The following PCDH15 variants were observed in gnomAD, a reference collection of about 807,000 sequenced individuals.
PCDH15 encodes protocadherin-15.
Under a neutral mutation model 178.5 loss-of-function variants are expected in PCDH15, and 129 were observed. The observed-to-expected ratio is 0.72, with a 90% CI of 0.63 to 0.84. PCDH15 has a LOEUF of 0.84. PCDH15 is among the 40% of genes least tolerant of loss of function. The pLI is 0.00. For missense variants in PCDH15, 2,230 were observed against 2,099.9 expected (o/e 1.06, Z -1.21); for synonymous variants, 800 against 732.0 (o/e 1.09, Z -1.50).
At chr10:54,461,529 G>A (rs369859740) in intron 3 of PCDH15, among the ~76,000 whole-genome samples, 2 of 152,044 alleles carry the variant, frequency 1.3e-5, no homozygotes, top group Non-Finnish European at 1.5e-5. Flanking sequence ...TATAATATTC[G>A]AGCTGCCTAT....
intron 29 of PCDH15, among the ~76,000 whole-genome samples, chr10:53,838,214 A>T (rs2132723960): frequency 6.6e-6 from 1 of 151,996 alleles, no homozygotes; most frequent in South Asian, 2.1e-4. Flanking sequence ...TGACCTCGTG[A>T]TCCACCCACC....
At chr10:53,845,275 G>A (rs1411981944) in intron 28 of PCDH15, among the ~76,000 whole-genome samples, 1 of 151,660 alleles carries the variant, frequency 6.6e-6, no homozygotes, top group African/African-American at 2.4e-5. Context: ...ACATTCTTGG[G>A]GGGAATGTAA....
intron 18 of PCDH15, among the ~76,000 whole-genome samples, chr10:54,063,432 C>A (rs1179672632): frequency 6.6e-6 from 1 of 152,014 alleles, no homozygotes. Context: ...TTGCACATGC[C>A]CCTGTTATAG....
At chr10:55,240,445 T>C (rs936701468) in intron 1 of PCDH15, among the ~76,000 whole-genome samples, 8 of 152,194 alleles carry the variant, frequency 5.3e-5, no homozygotes, top group African/African-American at 1.4e-4. Flanking sequence ...AAATATAAAC[T>C]GCTGTTATTA....
chr10:54,612,802 T>C (rs1213304403), intron 2 of PCDH15, among the ~76,000 whole-genome samples: 1 of 151,796 alleles, frequency 6.6e-6, no homozygotes, highest in East Asian at 1.9e-4. Flanking sequence ...CCTATTGGAA[T>C]AGACTTTGTA....
At chr10:54,093,991 G>A (rs2094648866) in intron 15 of PCDH15, among the ~76,000 whole-genome samples, 1 of 152,080 alleles carries the variant, frequency 6.6e-6, no homozygotes, top group Non-Finnish European at 1.5e-5. Context: ...CTTCTTCAAA[G>A]CCTGAGAAAA....
chr10:54,285,959 A>C (rs920959833), intron 8 of PCDH15, among the ~76,000 whole-genome samples: 10 of 152,214 alleles, frequency 6.6e-5, no homozygotes, highest in African/African-American at 2.2e-4. Flanking sequence ...CAGAAAGACA[A>C]ATACCACTTG....
At chr10:54,236,080 A>T (rs2054598309) in intron 9 of PCDH15, among the ~76,000 whole-genome samples, 1 of 152,028 alleles carries the variant, frequency 6.6e-6, no homozygotes, top group Non-Finnish European at 1.5e-5. Flanking sequence ...CTAATGCTGA[A>T]CTCCATTAAA....
intron 1 of PCDH15, among the ~76,000 whole-genome samples, chr10:55,263,435 G>T (rs10763191): frequency 0.17 from 26,207 of 152,082 alleles, 3,117 homozygotes; most frequent in East Asian, 0.37. Flanking sequence ...CCGCAGGCAT[G>T]CATGACTCAG....
At chr10:55,215,339 C>T (rs1840675278) in intron 1 of PCDH15, among the ~76,000 whole-genome samples, 1 of 152,000 alleles carries the variant, frequency 6.6e-6, no homozygotes, top group Non-Finnish European at 1.5e-5. Context: ...GTACTTAGGC[C>T]TGATGTAGTT....
At chr10:54,857,707 C>T (rs1953765266) in intron 3 of PCDH15, among the ~76,000 whole-genome samples, 1 of 151,950 alleles carries the variant, frequency 6.6e-6, no homozygotes, top group African/African-American at 2.4e-5. Flanking sequence ...CCACCTTAGC[C>T]TCCCAAACTG....
chr10:54,982,232 C>T (rs752924582), intron 2 of PCDH15, among the ~76,000 whole-genome samples: 11 of 152,044 alleles, frequency 7.2e-5, no homozygotes, highest in Non-Finnish European at 1.3e-4. Context: ...CTCTTGTCTT[C>T]AATATTATAT....
intron 25 of PCDH15, among the ~76,000 whole-genome samples, chr10:53,932,510 G>A (rs578060572): frequency 2.6e-5 from 4 of 152,134 alleles, no homozygotes; most frequent in Non-Finnish European, 5.9e-5. Flanking sequence ...TAAGGGCAGC[G>A]TTTTTTACTG....
chr10:54,607,990 C>A (rs780023662), intron 2 of PCDH15: 1 of 480,950 alleles, frequency 2.1e-6, no homozygotes, highest in South Asian at 1.5e-5. Flanking sequence ...TTGCCTACAT[C>A]ATTTTGGTTA....
rs1345887627 is a variant in PCDH15 at position 55,307,558 on chromosome 10, TC to T, written c.-156+12040del. On this transcript the variant is annotated intron_variant, in intron 1 of 5. Coordinates refer to the PCDH15 transcript ENST00000458638. ...TTCCCAAAAGTTAATCTTAAATTAATCTTACAAAATTATACATTTTATCTTT... is the reference window on the plus strand; with the variant it reads ...TTCCCAAAAGTTAATCTTAAATTAATTTACAAAATTATACATTTTATCTTT... 3.3e-5 allele frequency among the ~76,000 whole-genome samples: 5 copies of T among 152,060 alleles called. 1 individual carries two copies. The highest frequency in any genetic ancestry group is 1.2e-4 in the African/African-American group (5 of 41,498).
chr10:55,001,266 G>A (rs1839788323), intron 2 of PCDH15, among the ~76,000 whole-genome samples: 1 of 152,164 alleles, frequency 6.6e-6, no homozygotes, highest in African/African-American at 2.4e-5. Flanking sequence ...TCACCTTCCA[G>A]TTGTCTGCAT....
chr10:53,972,971 G>T (rs2089865582), intron 21 of PCDH15, among the ~76,000 whole-genome samples: 3 of 152,086 alleles, frequency 2.0e-5, no homozygotes, highest in Non-Finnish European at 4.4e-5. Context: ...AAATCATGCT[G>T]CTATAAAGAC....
chr10:54,273,228 A>G (rs1975411), intron 8 of PCDH15, among the ~76,000 whole-genome samples: 1 of 151,804 alleles, frequency 6.6e-6, no homozygotes. Flanking sequence ...TTAGAACTTA[A>G]TGACAGTGAA....
chr10:54,624,619 G>A (rs1004488407), intron 2 of PCDH15, among the ~76,000 whole-genome samples: 4 of 152,210 alleles, frequency 2.6e-5, no homozygotes, highest in Non-Finnish European at 5.9e-5. Flanking sequence ...TCTGTGGCCC[G>A]TTAGGAACTG....
Sources: allele counts gnomAD v4.1 joint callset (sites outside exome capture counted in the v4.1 genomes callset), GRCh38; gene constraint gnomAD v4.1.1; transcripts MANE v1.5; gene names NCBI Gene and HGNC (gene_info 2026-07-23, HGNC 2026-07-21).